UBE2D1: variants seen among roughly 807,000 people sequenced by gnomAD.
The protein encoded by UBE2D1 is ubiquitin-conjugating enzyme E2 D1.
Under a neutral mutation model 24.6 loss-of-function variants are expected in UBE2D1, and 9 were observed. The observed-to-expected ratio is 0.37, with a 90% CI of 0.22 to 0.64. The LOEUF (loss-of-function observed/expected upper bound fraction) is 0.64. UBE2D1 is among the 30% of genes least tolerant of loss of function. The pLI, the probability that UBE2D1 is intolerant of heterozygous loss-of-function variation, is 0.64. For missense variants in UBE2D1, 87 were observed against 177.1 expected (o/e 0.49, Z 2.89); for synonymous variants, 57 against 57.6 (o/e 0.99, Z 0.04).
Position 58,356,765 on chromosome 10 carries a change from G to A in UBE2D1, c.25-4573G>A, listed in dbSNP as rs1362367145. On this transcript the variant is annotated intron_variant, in intron 1 of 6. Transcript: ENST00000373910. ...ATTGACAATGGTTTGGTCCAGGTAT[G>A]GTCTTGTGGGTGCTTAACTATACAT... 3.9e-5 allele frequency among the ~76,000 whole-genome samples: 6 copies of A among 152,290 alleles called. No homozygotes were observed. The East Asian group carries it at 1.2e-3, about 29-fold the overall frequency.
intron 1 of UBE2D1, among the ~76,000 whole-genome samples, chr10:58,335,985 C>A (rs546079670): frequency 3.3e-5 from 5 of 152,210 alleles, no homozygotes; most frequent in African/African-American, 1.2e-4. Context: ...CATAAACTGT[C>A]GCAAATAAAT....
chr10:58,354,263 A>T lies in UBE2D1; in HGVS notation c.25-7075A>T, dbSNP rs370487382. Among the ~76,000 whole-genome samples, 47 of 152,332 alleles carry T rather than the reference A, an allele frequency of 3.1e-4. No homozygotes were observed. The East Asian group carries it at 4.0e-3, about 13-fold the overall frequency. On this transcript the variant is annotated intron_variant, in intron 1 of 6. Coordinates refer to ENST00000373910, the MANE Select transcript of UBE2D1 (RefSeq NM_003338.5). ...CAGCTAGTAATTGGACTTTGAAAAG[A>T]TAGCATTAAGGAAAGCAGGTAAAAT...
Position 58,335,170 on chromosome 10 carries a change from C to T in UBE2D1, c.-32C>T. On this transcript the variant is annotated 5_prime_UTR_variant, in exon 1 of 7. Transcript: ENST00000373910. Reference sequence around the variant, plus strand: ...CCCTGAGCCCCGCAGCCGACCCCTGCCGGCCGGTGTCCCCACCGCCATCCC... The same window carrying T: ...CCCTGAGCCCCGCAGCCGACCCCTGTCGGCCGGTGTCCCCACCGCCATCCC... The T allele has an allele frequency of 1.3e-6, 2 of 1,541,820 alleles. No homozygotes were observed. The highest frequency in any genetic ancestry group is 1.2e-5 in the South Asian group (1 of 84,132).
In UBE2D1 at chr10:58,335,035, C is replaced by T; in HGVS notation, c.-167C>T. The T allele has an allele frequency of 1.6e-6, 1 of 639,930 alleles. No homozygotes were observed. The allele number at this position is 639,930 out of a possible 1,614,324, so 39.6% of individuals were successfully genotyped here. On this transcript the variant is annotated 5_prime_UTR_variant, in exon 1 of 7. Coordinates refer to ENST00000373910, the MANE Select transcript of UBE2D1 (RefSeq NM_003338.5). ...ACTCGCGCACACTCGCGCTCGGGCG[C>T]ACACGGAGCAGGGACCGGCGCCCGG...
In UBE2D1 at chr10:58,335,197, G is replaced by A; in HGVS notation, c.-5G>A. The A allele has an allele frequency of 6.5e-7, 1 of 1,548,460 alleles. No homozygotes were observed. The highest frequency in any genetic ancestry group is 1.7e-4 in the Middle Eastern group (1 of 5,912). On this transcript the variant is annotated 5_prime_UTR_variant, in exon 1 of 7. Coordinates refer to ENST00000373910, the MANE Select transcript of UBE2D1 (RefSeq NM_003338.5). ...GGCCGGTGTCCCCACCGCCATCCCTGACCCATGGCGCTGAAGAGGATTCAG... is the reference window on the plus strand; with the variant it reads ...GGCCGGTGTCCCCACCGCCATCCCTAACCCATGGCGCTGAAGAGGATTCAG...
intron 1 of UBE2D1, 71 bp downstream of exon 1, chr10:58,335,296 C>T: frequency 7.0e-7 from 1 of 1,438,180 alleles, no homozygotes; most frequent in Admixed American, 2.5e-5. Context: ...GCCAGTGGTC[C>T]CGAGAGACAT....
chr10:58,367,028 G>C (rs1456558195), intron 5 of UBE2D1, among the ~76,000 whole-genome samples: 1 of 152,158 alleles, frequency 6.6e-6, no homozygotes, highest in Non-Finnish European at 1.5e-5. Flanking sequence ...TAGAAGATAA[G>C]AAAGATGAAT....
intron 1 of UBE2D1, among the ~76,000 whole-genome samples, chr10:58,346,936 C>T (rs1356835231): frequency 6.6e-6 from 1 of 152,146 alleles, no homozygotes; most frequent in East Asian, 1.9e-4. Flanking sequence ...GTGTTTGTAC[C>T]ACCTGGCCCT....
chr10:58,335,728 C>CG (rs1311713366), intron 1 of UBE2D1, among the ~76,000 whole-genome samples: 1 of 152,238 alleles, frequency 6.6e-6, no homozygotes, highest in Admixed American at 6.5e-5. Flanking sequence ...CTCTCCTCTG[C>CG]GGTTGGCTCT....
rs1840198654 is a variant in UBE2D1 at position 58,361,535 on chromosome 10, G to T, written c.120+9G>T. On this transcript the variant is annotated intron_variant, in intron 3 of 6. Transcript: ENST00000373910. ...CCACTATTATGGGGCCTGTAAGTAT[G>T]ATTCATATCTATGAAATTAACCCCC... 6.2e-7 allele frequency: 1 copy of T among 1,613,882 alleles called. No homozygotes were observed. The highest frequency in any genetic ancestry group is 8.5e-7 in the Non-Finnish European group (1 of 1,180,020).
chr10:58,360,431 G>GAA (rs112317823), intron 1 of UBE2D1, among the ~76,000 whole-genome samples: 9,987 of 146,506 alleles, frequency 0.068, 751 homozygotes, highest in African/African-American at 0.19. Flanking sequence ...TCTGTTAGAG[G>GAA]AAAAAAAAAA....
intron 1 of UBE2D1, among the ~76,000 whole-genome samples, chr10:58,349,684 G>A (rs1840052271): frequency 6.6e-6 from 1 of 151,908 alleles, no homozygotes; most frequent in African/African-American, 2.4e-5. Context: ...TTTTGTTTCA[G>A]TTATACAGAC....
chr10:58,344,542 A>G (rs1489667961), intron 1 of UBE2D1, among the ~76,000 whole-genome samples: 1 of 152,140 alleles, frequency 6.6e-6, no homozygotes, highest in Non-Finnish European at 1.5e-5. Flanking sequence ...GATCACAAAA[A>G]CAAACACTGA....
chr10:58,335,975 C>A (rs1839899668), intron 1 of UBE2D1, among the ~76,000 whole-genome samples: 1 of 152,160 alleles, frequency 6.6e-6, no homozygotes, highest in African/African-American at 2.4e-5. Flanking sequence ...CGAGACACAA[C>A]ATAAACTGTC....
intron 3 of UBE2D1, 99 bp downstream of exon 3, chr10:58,361,625 C>A: frequency 6.6e-7 from 1 of 1,526,522 alleles, no homozygotes; most frequent in South Asian, 1.1e-5. Context: ...GTTGAATATT[C>A]TTGTACTTTG....
chr10:58,365,590 GTTC>G (rs1223383528), intron 5 of UBE2D1, among the ~76,000 whole-genome samples: 1 of 152,206 alleles, frequency 6.6e-6, no homozygotes, highest in East Asian at 1.9e-4. Context: ...GGGTATAGCT[GTTC>G]TTTGCTGGAT....
intron 1 of UBE2D1, among the ~76,000 whole-genome samples, chr10:58,341,962 A>T: frequency 6.6e-6 from 1 of 152,174 alleles, no homozygotes; most frequent in East Asian, 1.9e-4. Flanking sequence ...CAGTTTGGGA[A>T]TTGGAGGGGT....
chr10:58,368,610 T>A, intron 6 of UBE2D1, 110 bp from the exon 7 acceptor site: 3 of 586,208 alleles, frequency 5.1e-6, no homozygotes, highest in Non-Finnish European at 8.0e-6. Flanking sequence ...GATATATGTG[T>A]GATTATTGCA....
intron 1 of UBE2D1, among the ~76,000 whole-genome samples, chr10:58,343,290 A>G (rs995714990): frequency 1.1e-4 from 17 of 152,158 alleles, no homozygotes; most frequent in Non-Finnish European, 1.9e-4. Flanking sequence ...ATGAGTTTCC[A>G]AACAGTTTAG....
Sources: allele counts gnomAD v4.1 joint callset (sites outside exome capture counted in the v4.1 genomes callset), GRCh38; gene constraint gnomAD v4.1.1; transcripts MANE v1.5; gene names NCBI Gene and HGNC (gene_info 2026-07-23, HGNC 2026-07-21).